The following SST variants were observed in gnomAD, a reference collection of about 807,000 sequenced individuals.
SST encodes the protein growth hormone release-inhibiting factor.
In SST, 7 loss-of-function variants were observed where a neutral mutation model predicts 10.4. The ratio of observed to expected loss-of-function variants is 0.67; its 90% confidence interval spans 0.38 to 1.26. The LOEUF (loss-of-function observed/expected upper bound fraction) is 1.26, where lower values mean the gene tolerates loss of function less well. Among genes scored for constraint, SST ranks in the 50% most tolerant of loss-of-function variants. The probability of loss-of-function intolerance (pLI) is 0.02; values close to 1 mark genes in which losing one functional copy is unlikely to be tolerated. For missense variants in SST, 145 were observed against 140.8 expected, an observed-to-expected ratio of 1.03 and a Z score of -0.15; for synonymous variants, 63 against 63.9, an observed-to-expected ratio of 0.99 and a Z score of 0.07.
rs1007020693 is a variant in SST, at chr3:187,669,009, T to C, written c.*56A>G. 37 of 1,516,396 alleles carry C rather than the reference T, an allele frequency of 2.4e-5. No homozygotes were observed. The highest frequency in any genetic ancestry group is 3.3e-5 in the Admixed American group (2 of 59,814). 93.9% of individuals were successfully genotyped at this position (1,516,396 alleles called of 1,614,324 possible). On this transcript the variant is annotated 3_prime_UTR_variant, in exon 2 of 2. Transcript: ENST00000287641. ...GACTTGGAGGATTAGGGAAGAGAGA[T>C]GGGGTGTGGGGGCGAGGGATCAGAG...
intron 1 of SST, among the ~76,000 whole-genome samples, chr3:187,669,812 G>C (rs80295738): frequency 1.3e-5 from 2 of 152,170 alleles, no homozygotes; most frequent in African/African-American, 4.8e-5. Flanking sequence ...TCAGAGGTCT[G>C]CGTTTCAGCA....
Position 187,669,168 on chromosome 3 carries a change from C to G in SST, c.248G>C (p.Arg83Thr). 6.2e-7 allele frequency: 1 copy of G among 1,613,934 alleles called. No individual in the cohort carries two copies. The highest frequency in any genetic ancestry group is 8.5e-7 in the Non-Finnish European group (1 of 1,180,010). Residue 83 changes from arginine (R) to threonine (T), a missense_variant, in exon 2 of 2, where the codon AGG becomes ACG. Arg to Thr is a moderately conservative substitution (Grantham distance 71). Coordinates refer to ENST00000287641, the MANE Select transcript of SST (RefSeq NM_001048.4). Reference sequence around the variant, plus strand: ...GTTAGCAGATCTCTGCAGCTCAAGCCTCATTTCATCCTGCTCAGCAGCCTG... The same window carrying G: ...GTTAGCAGATCTCTGCAGCTCAAGCGTCATTTCATCCTGCTCAGCAGCCTG... ...LSQAAEQDEMRLELQRSANSN... is the reference protein window; with the variant it reads ...LSQAAEQDEMTLELQRSANSN...
rs1717174135 is a variant in SST at position 187,669,021 on chromosome 3, G to A, written c.*44C>T. 3 of 1,582,576 alleles carry A rather than the reference G, an allele frequency of 1.9e-6. No individual in the cohort carries two copies. The South Asian group carries it at 3.3e-5, about 17-fold the overall frequency. On this transcript the variant is annotated 3_prime_UTR_variant, in exon 2 of 2. Coordinates refer to ENST00000287641, the MANE Select transcript of SST (RefSeq NM_001048.4). ...TAGGGAAGAGAGATGGGGTGTGGGGGCGAGGGATCAGAGGTCTGATATGGA... is the reference window on the plus strand; with the variant it reads ...TAGGGAAGAGAGATGGGGTGTGGGGACGAGGGATCAGAGGTCTGATATGGA...
chr3:187,669,023 G>T lies in SST; in HGVS notation c.*42C>A. 6.3e-7 allele frequency: 1 copy of T among 1,584,758 alleles called. No individual in the cohort carries two copies. The highest frequency in any genetic ancestry group is 1.1e-5 in the South Asian group (1 of 90,512). On this transcript the variant is annotated 3_prime_UTR_variant, in exon 2 of 2. Transcript: ENST00000287641. ...GGGAAGAGAGATGGGGTGTGGGGGC[G>T]AGGGATCAGAGGTCTGATATGGACA... is the stretch of plus-strand genomic sequence containing the variant.
chr3:187,670,260 G>T lies in SST; in HGVS notation c.32C>A (p.Ala11Asp). 1 of 1,592,944 alleles carries T rather than the reference G, an allele frequency of 6.3e-7. No homozygotes were observed. The highest frequency in any genetic ancestry group is 8.5e-7 in the Non-Finnish European group (1 of 1,169,738). ...CAGGGCCAGGACGATGGACAGCGCA[G>T]CCAGCGCGCACTGGAGGCGGCAGGA... MLSCRLQCALAALSIVLALGC... is the reference protein window; with the variant it reads MLSCRLQCALDALSIVLALGC... Residue 11 changes from alanine to aspartate, a missense_variant, in exon 1 of 2, where the codon GCT becomes GAT. By Grantham distance (126) the Ala-to-Asp change is moderately radical. Coordinates refer to ENST00000287641, the MANE Select transcript of SST (RefSeq NM_001048.4).
chr3:187,670,318 G>T lies in SST; in HGVS notation c.-27C>A. The T allele has an allele frequency of 6.4e-7, 1 of 1,558,554 alleles. No individual in the cohort carries two copies. Among genetic ancestry groups the T allele is most frequent in the East Asian group, 2.4e-5 (1 of 42,028 alleles). ...TCGGCGCCGCGAAAGCCGAGCTGGAGAGTGGCTGGTCAAACTCTAGGCGCG... is the reference window on the plus strand; with the variant it reads ...TCGGCGCCGCGAAAGCCGAGCTGGATAGTGGCTGGTCAAACTCTAGGCGCG... On this transcript the variant is annotated 5_prime_UTR_variant, in exon 1 of 2. Transcript: ENST00000287641.
chr3:187,670,069 C>A, intron 1 of SST, 85 bp downstream of exon 1: 1 of 1,419,690 alleles, frequency 7.0e-7, no homozygotes, highest in Non-Finnish European at 9.5e-7. Flanking sequence ...AAGGACTGAG[C>A]ATCCCTTACG....
intron 1 of SST, among the ~76,000 whole-genome samples, chr3:187,669,780 G>A (rs1041994077): frequency 1.3e-5 from 2 of 152,150 alleles, no homozygotes; most frequent in Non-Finnish European, 2.9e-5. Context: ...TTGGAAGTGA[G>A]GTACGCTAAG....
Position 187,669,132 on chromosome 3 carries a change from G to T in SST, c.284C>A (p.Ala95Asp). Residue 95 changes from alanine to aspartate, a missense_variant, in exon 2 of 2, where the codon GCT (alanine) becomes GAT (aspartate). Physicochemically the swap from Ala to Asp is moderately radical, Grantham distance 126. Coordinates refer to ENST00000287641, the MANE Select transcript of SST (RefSeq NM_001048.4). ...AGCTTTGCGTTCTCGGGGTGCCATA[G>T]CCGGGTTTGAGTTAGCAGATCTCTG... is the stretch of plus-strand genomic sequence containing the variant. Reference protein sequence around the residue: ...ELQRSANSNPAMAPRERKAGC... With the variant: ...ELQRSANSNPDMAPRERKAGC... 6.2e-7 allele frequency: 1 copy of T among 1,613,856 alleles called. No individual in the cohort carries two copies.
chr3:187,669,169 T>G lies in SST; in HGVS notation c.247A>C (p.Arg83=). The part of the protein sequence containing the change: ...LSQAAEQDEM[R]LELQRSANSN... ...TTAGCAGATCTCTGCAGCTCAAGCC[T>G]CATTTCATCCTGCTCAGCAGCCTGG... Residue 83 remains arginine, a synonymous_variant, in exon 2 of 2, where the codon AGG becomes CGG. Transcript: ENST00000287641. 6.2e-7 allele frequency: 1 copy of G among 1,614,060 alleles called. No individual in the cohort carries two copies. Among genetic ancestry groups the G allele is most frequent in the Non-Finnish European group, 8.5e-7 (1 of 1,180,026 alleles).
intron 1 of SST, 26 bp from the exon 2 acceptor site, chr3:187,669,303 AAG>A: frequency 1.2e-6 from 2 of 1,605,742 alleles, no homozygotes; most frequent in Non-Finnish European, 1.7e-6. Context: ...GGGATAGAAA[AAG>A]AGAGAAAGAG....
At position 187,669,812 on chromosome 3, in the gene SST, G is replaced by T. The variant is rs80295738; in HGVS notation, c.138+342C>A. On this transcript the variant is annotated intron_variant, in intron 1 of 1. Coordinates refer to ENST00000287641, the MANE Select transcript of SST (RefSeq NM_001048.4). ...TAAGAGGTAGCAGCTTCAGAGGTCT[G>T]CGTTTCAGCACCTGGGTCAGCGCTT... is the stretch of plus-strand genomic sequence containing the variant. Among the ~76,000 whole-genome samples the T allele has an allele frequency of 2.0e-3, 310 of 152,286 alleles. 1 individual carries two copies. Among genetic ancestry groups the T allele is most frequent in the African/African-American group, 5.0e-3 (209 of 41,542 alleles).
At chr3:187,669,319 T>A in intron 1 of SST, 42 bp from the exon 2 acceptor site, 6 of 1,576,348 alleles carry the variant, frequency 3.8e-6, no homozygotes, top group Non-Finnish European at 4.3e-6. Context: ...GAAAGAGAAG[T>A]GGGGAGGACA....
Position 187,669,218 on chromosome 3 carries a change from A to G in SST, c.198T>C (p.Asp66=), listed in dbSNP as rs1441849389. Residue 66 remains aspartate, a synonymous_variant, in exon 2 of 2, where the codon GAT becomes GAC. Coordinates refer to ENST00000287641, the MANE Select transcript of SST (RefSeq NM_001048.4). The part of the protein sequence containing the change: ...LLSEPNQTEN[D]ALEPEDLSQA... ...GGGACAGATCTTCAGGTTCCAGGGCATCATTCTCCGTCTGGTTGGGTTCAG... is the reference window on the plus strand; with the variant it reads ...GGGACAGATCTTCAGGTTCCAGGGCGTCATTCTCCGTCTGGTTGGGTTCAG... 3.7e-6 allele frequency: 6 copies of G among 1,614,066 alleles called. No homozygotes were observed. The highest frequency in any genetic ancestry group is 5.1e-6 in the Non-Finnish European group (6 of 1,180,016).
At chr3:187,669,554 GCACAAACACACACACACACA>G (rs1024181729) in intron 1 of SST, among the ~76,000 whole-genome samples, 1 of 113,206 alleles carries the variant, frequency 8.8e-6, no homozygotes, top group Non-Finnish European at 1.7e-5. Flanking sequence ...ACACACACAC[GCACAAACACACACACACACA>G]CACACACACA....
intron 1 of SST, among the ~76,000 whole-genome samples, chr3:187,669,559 A>AAC (rs58680547): frequency 0.11 from 16,151 of 145,200 alleles, 898 homozygotes; most frequent in Admixed American, 0.16. Context: ...CACACGCACA[A>AAC]ACACACACAC....
Position 187,670,220 on chromosome 3 carries a change from G to C in SST, c.72C>G (p.Gly24=). The change falls in exon 1 of 2, where the codon GGC becomes GGG. Residue 24 remains glycine (G), a synonymous_variant. Coordinates refer to ENST00000287641, the MANE Select transcript of SST (RefSeq NM_001048.4). ...SIVLALGCVT[G]APSDPRLRQF... ...GACGGAGTCTGGGGTCCGAGGGAGC[G>C]CCGGTGACACAGCCCAGGGCCAGGA... The C allele has an allele frequency of 6.3e-7, 1 of 1,595,548 alleles. No homozygotes were observed. Among genetic ancestry groups the C allele is most frequent in the Non-Finnish European group, 8.5e-7 (1 of 1,171,258 alleles).
At position 187,670,279 on chromosome 3, in the gene SST, G is replaced by T. The variant is rs1449103221; in HGVS notation, c.13C>A (p.Arg5Ser). The T allele has an allele frequency of 3.8e-6, 6 of 1,587,724 alleles. No homozygotes were observed. Among genetic ancestry groups the T allele is most frequent in the Non-Finnish European group, 5.1e-6 (6 of 1,167,046 alleles). The change falls in exon 1 of 2, where the codon CGC becomes AGC. Residue 5 changes from arginine (R) to serine (S), a missense_variant. Coordinates refer to ENST00000287641, the MANE Select transcript of SST (RefSeq NM_001048.4). Reference protein sequence around the residue: MLSCRLQCALAALSI... With the variant: MLSCSLQCALAALSI... ...AGCGCAGCCAGCGCGCACTGGAGGC[G>T]GCAGGACAGCATCTCGGCGCCGCGA... is the stretch of plus-strand genomic sequence containing the variant.
At chr3:187,669,383 A>G in intron 1 of SST, 106 bp from the exon 2 acceptor site, 1 of 1,140,532 alleles carries the variant, frequency 8.8e-7, no homozygotes, top group East Asian at 2.4e-5. Flanking sequence ...CACACACAAA[A>G]TCCAGTTTTT....
Sources: gnomAD v4.1 joint callset for allele counts (sites outside exome capture counted in the v4.1 genomes callset) on GRCh38, gnomAD v4.1.1 for gene constraint, MANE v1.5 for transcripts, NCBI Gene and HGNC (gene_info 2026-07-23, HGNC 2026-07-21) for gene names.